Variants in ITPRIP observed in about 807,000 individuals in gnomAD.
ITPRIP encodes inositol 1,4,5-trisphosphate receptor interacting protein.
In ITPRIP, 32 loss-of-function variants were observed where a neutral mutation model predicts 35.8. The ratio of observed to expected loss-of-function variants is 0.89; its 90% CI spans 0.68 to 1.20. ITPRIP has a LOEUF of 1.20. Ranked by LOEUF, ITPRIP falls within the 50% of genes most tolerant of loss-of-function variation. The pLI is 0.00. For synonymous variants in ITPRIP, 358 were observed against 324.0 expected, an observed-to-expected ratio of 1.11 and a Z score of -1.13; for missense variants, 653 against 735.6, an observed-to-expected ratio of 0.89 and a Z score of 1.30.
At position 104,313,510 on chromosome 10, in the gene ITPRIP, CTCTT is replaced by C. The variant is rs2013542955; in HGVS notation, c.*894_*897del. ...CCTTTGCCACAGTCACCCCGTGTGTCTCTTTCTCCAGGTCAGCTTCCACCTTTAG... is the reference window on the plus strand; with the variant it reads ...CCTTTGCCACAGTCACCCCGTGTGTCTCTCCAGGTCAGCTTCCACCTTTAG... On this transcript the variant is annotated 3_prime_UTR_variant, in exon 2 of 2. Transcript: ENST00000337478. The C allele has an allele frequency of 3.0e-6, 3 of 985,528 alleles. No individual in the cohort carries two copies. Among genetic ancestry groups the C allele is most frequent in the African/African-American group, 3.5e-5 (2 of 57,246 alleles). 61.0% of individuals were successfully genotyped at this position (985,528 alleles called of 1,614,324 possible).
At chr10:104,336,993 A>G (rs2014248083) in intron 1 of ITPRIP, among the ~76,000 whole-genome samples, 1 of 152,206 alleles carries the variant, frequency 6.6e-6, no homozygotes, top group Non-Finnish European at 1.5e-5. Flanking sequence ...GTTACCCACA[A>G]GTGGAGAAAA....
chr10:104,329,813 G>A (rs1489123756), intron 1 of ITPRIP, among the ~76,000 whole-genome samples: 3 of 152,202 alleles, frequency 2.0e-5, no homozygotes, highest in Admixed American at 6.5e-5. Context: ...ACAGTCACTC[G>A]GCAGTGCTTG....
At position 104,328,299 on chromosome 10, in the gene ITPRIP, T is replaced by C; in HGVS notation, c.-14+9947A>G. 1.0e-6 allele frequency: 1 copy of C among 985,420 alleles called. No individual in the cohort carries two copies. The highest frequency in any genetic ancestry group is 1.2e-6 in the Non-Finnish European group (1 of 829,920). 61.0% of individuals were successfully genotyped at this position (985,420 alleles called of 1,614,324 possible). A position where few individuals can be genotyped will look rare whatever the true frequency, so the allele number is the denominator to read the frequency against. On this transcript the variant is annotated intron_variant, in intron 1 of 1. Transcript: ENST00000337478. This position sits in a 1 kb window ranked among gnomAD's most constrained non-coding sequence, Gnocchi z 4.1. Reference sequence around the variant, plus strand: ...TATTCCTCCGAATTTCCCCTAGCCCTGTGGCCGCATCTCACCCACAAGGGT... The same window carrying C: ...TATTCCTCCGAATTTCCCCTAGCCCCGTGGCCGCATCTCACCCACAAGGGT...
chr10:104,325,949 G>T (rs950380062), intron 1 of ITPRIP, among the ~76,000 whole-genome samples: 2 of 152,196 alleles, frequency 1.3e-5, no homozygotes, highest in South Asian at 4.1e-4. Context: ...ACAGACAGCA[G>T]AGAGGGGAGA....
rs886934696 is a variant in ITPRIP at position 104,315,895 on chromosome 10, A to G, written c.157T>C (p.Leu53=). The G allele has an allele frequency of 5.6e-6, 9 of 1,613,624 alleles. No homozygotes were observed. The African/African-American group carries it at 9.3e-5, about 17-fold the overall frequency. Residue 53 remains leucine (L), a synonymous_variant, in exon 2 of 2, where the codon TTG becomes CTG. Coordinates refer to ENST00000337478, the MANE Select transcript of ITPRIP (RefSeq NM_001272013.2). The surrounding 1 kb of genome is among the most constrained non-coding windows in gnomAD (Gnocchi z 5.7). ...CGAGCCACCTCCTCCTCCAGGCGCA[A>G]CTGCTCCAGCTGCAGCTTCTCCTGG... The part of the protein sequence containing the change: ...AHQEKLQLEQ[L]RLEEEVARLA...
In ITPRIP at chr10:104,328,352, A is replaced by C. The variant is rs1375726197; in HGVS notation, c.-14+9894T>G. Reference sequence around the variant, plus strand: ...TGGTTTGGAGAGAGCATGAATACCCACCTTGGGGCAGGACATGCCAGAGTT... The same window carrying C: ...TGGTTTGGAGAGAGCATGAATACCCCCCTTGGGGCAGGACATGCCAGAGTT... On this transcript the variant is annotated intron_variant, in intron 1 of 1. Coordinates refer to ENST00000337478, the MANE Select transcript of ITPRIP (RefSeq NM_001272013.2). This position sits in a 1 kb window ranked among gnomAD's most constrained non-coding sequence, Gnocchi z 4.1. 2.2e-6 allele frequency: 2 copies of C among 926,780 alleles called. No individual in the cohort carries two copies. Among genetic ancestry groups the C allele is most frequent in the Non-Finnish European group, 2.6e-6 (2 of 779,792 alleles). The allele number at this position is 926,780 out of a possible 1,614,324, so 57.4% of individuals were successfully genotyped here. A position where few individuals can be genotyped will look rare whatever the true frequency, so the allele number is the denominator to read the frequency against.
rs1049778834 is a variant in ITPRIP at position 104,313,397 on chromosome 10, G to A, written c.*1011C>T. 6 of 986,062 alleles carry A rather than the reference G, an allele frequency of 6.1e-6. No individual in the cohort carries two copies. Among genetic ancestry groups the A allele is most frequent in the Non-Finnish European group, 3.6e-6 (3 of 830,260 alleles). 61.1% of individuals were successfully genotyped at this position (986,062 alleles called of 1,614,324 possible). A position where few individuals can be genotyped will look rare whatever the true frequency, so the allele number is the denominator to read the frequency against. ...AGGGCCAGAAGAGGTTGAGAGGCTT[G>A]GCTCTGCGCACAGCCTCTGGGAGTG... On this transcript the variant is annotated 3_prime_UTR_variant, in exon 2 of 2. Transcript: ENST00000337478.
chr10:104,337,948 G>A (rs1031042367), intron 1 of ITPRIP, among the ~76,000 whole-genome samples: 5 of 152,166 alleles, frequency 3.3e-5, no homozygotes, highest in Non-Finnish European at 7.4e-5. Context: ...GAGGCTGCGC[G>A]CGCCTCGAGG....
rs1055100633 is a variant in ITPRIP at position 104,328,451 on chromosome 10, C to T, written c.-14+9795G>A. 4.4e-4 allele frequency among the ~76,000 whole-genome samples: 67 copies of T among 152,122 alleles called. No individual in the cohort carries two copies. Among genetic ancestry groups the T allele is most frequent in the African/African-American group, 1.5e-3 (63 of 41,434 alleles). On this transcript the variant is annotated intron_variant, in intron 1 of 1. Coordinates refer to ENST00000337478, the MANE Select transcript of ITPRIP (RefSeq NM_001272013.2). This position sits in a 1 kb window ranked among gnomAD's most constrained non-coding sequence, Gnocchi z 4.1. Reference sequence around the variant, plus strand: ...CCCTGCCTCCAAGCAGAGCCACAAACGTTCAGGCAAAACCACACTTTCTCA... The same window carrying T: ...CCCTGCCTCCAAGCAGAGCCACAAATGTTCAGGCAAAACCACACTTTCTCA...
At chr10:104,336,408 C>A (rs916212974) in intron 1 of ITPRIP, among the ~76,000 whole-genome samples, 6 of 151,708 alleles carry the variant, frequency 4.0e-5, no homozygotes, top group African/African-American at 1.5e-4. Context: ...GCCACCTCAA[C>A]CCTACTGGGG....
intron 1 of ITPRIP, among the ~76,000 whole-genome samples, chr10:104,320,965 A>G (rs2013831179): frequency 6.6e-6 from 1 of 152,100 alleles, no homozygotes; most frequent in African/African-American, 2.4e-5. Flanking sequence ...CCCTTCAAAT[A>G]TTGTATAGAG....
chr10:104,321,684 T>C (rs2013848630), intron 1 of ITPRIP, among the ~76,000 whole-genome samples: 1 of 151,560 alleles, frequency 6.6e-6, no homozygotes, highest in South Asian at 2.1e-4. Flanking sequence ...CACTAACCAC[T>C]GTAAGTTTCT....
intron 1 of ITPRIP, among the ~76,000 whole-genome samples, chr10:104,327,289 A>T (rs964522138): frequency 6.6e-6 from 1 of 151,240 alleles, no homozygotes; most frequent in Non-Finnish European, 1.5e-5. Flanking sequence ...TAGCTCCCCA[A>T]CCCTGCACGT....
intron 1 of ITPRIP, among the ~76,000 whole-genome samples, chr10:104,335,666 AT>A (rs769767959): frequency 1.3e-5 from 2 of 152,134 alleles, no homozygotes; most frequent in Non-Finnish European, 2.9e-5. Flanking sequence ...TGGACTGAGA[AT>A]GGGTATTTCC....
At chr10:104,322,320 C>A (rs573630313) in intron 1 of ITPRIP, among the ~76,000 whole-genome samples, 193 of 152,326 alleles carry the variant, frequency 1.3e-3, no homozygotes, top group African/African-American at 4.3e-3. Flanking sequence ...CCATCTACTC[C>A]CACTGAGGGT....
chr10:104,314,102 C>G lies in ITPRIP; in HGVS notation c.*306G>C. Reference sequence around the variant, plus strand: ...TCCAACATTTGCATTGTCTCTAACTCAGGGTCCACAGCGTGTTCTGCCACC... The same window carrying G: ...TCCAACATTTGCATTGTCTCTAACTGAGGGTCCACAGCGTGTTCTGCCACC... On this transcript the variant is annotated 3_prime_UTR_variant, in exon 2 of 2. Coordinates refer to ENST00000337478, the MANE Select transcript of ITPRIP (RefSeq NM_001272013.2). 1 of 1,154,872 alleles carries G rather than the reference C, an allele frequency of 8.7e-7. No homozygotes were observed. The highest frequency in any genetic ancestry group is 1.1e-6 in the Non-Finnish European group (1 of 935,604). 71.5% of individuals were successfully genotyped at this position (1,154,872 alleles called of 1,614,324 possible). A position where few individuals can be genotyped will look rare whatever the true frequency, so the allele number is the denominator to read the frequency against.
chr10:104,324,664 C>T (rs1564865005), intron 1 of ITPRIP, among the ~76,000 whole-genome samples: 1 of 152,088 alleles, frequency 6.6e-6, no homozygotes, highest in Non-Finnish European at 1.5e-5. Flanking sequence ...TCTCGAGGAC[C>T]CGGGTTGTAA....
intron 1 of ITPRIP, among the ~76,000 whole-genome samples, chr10:104,319,839 G>A (rs2013799254): frequency 6.6e-6 from 1 of 152,026 alleles, no homozygotes; most frequent in Non-Finnish European, 1.5e-5. Context: ...ATGCCATGAT[G>A]GGAAGGAGGA....
rs1243739439 is a variant in ITPRIP, at chr10:104,328,096, C to A, written c.-14+10150G>T. Among the ~76,000 whole-genome samples the A allele has an allele frequency of 6.6e-6, 1 of 152,218 alleles. No individual in the cohort carries two copies. Among genetic ancestry groups the A allele is most frequent in the Non-Finnish European group, 1.5e-5 (1 of 68,036 alleles). ...CACTGGAGGCACCACTTTCACAAGA[C>A]AGTTCCCCACAAATGCCCACCACTT... is the stretch of plus-strand genomic sequence containing the variant. On this transcript the variant is annotated intron_variant, in intron 1 of 1. Coordinates refer to ENST00000337478, the MANE Select transcript of ITPRIP (RefSeq NM_001272013.2). This position sits in a 1 kb window ranked among gnomAD's most constrained non-coding sequence, Gnocchi z 4.1.
Sources: allele counts gnomAD v4.1 joint callset (sites outside exome capture counted in the v4.1 genomes callset), GRCh38; gene constraint gnomAD v4.1.1; non-coding constraint Gnocchi (gnomAD v3.1); transcripts MANE v1.5; gene names NCBI Gene and HGNC (gene_info 2026-07-23, HGNC 2026-07-21).